Variants in ZSCAN5A observed in about 807,000 individuals in gnomAD.
ZSCAN5A encodes the protein zinc finger and SCAN domain-containing protein 5A.
ZSCAN5A carries 12 observed loss-of-function variants against 23.7 expected under a neutral mutation model. That is an observed-to-expected ratio of 0.51 (90% confidence interval 0.32 to 0.82). The LOEUF is 0.82. ZSCAN5A is among the 40% of genes least tolerant of loss of function. The pLI is 0.03. For missense variants in ZSCAN5A, 597 were observed against 617.9 expected (o/e 0.97, Z 0.36); for synonymous variants, 257 against 239.9 (o/e 1.07, Z -0.66).
intron 2 of ZSCAN5A, among the ~76,000 whole-genome samples, chr19:56,339,031 G>A (rs2041567295): frequency 6.6e-6 from 1 of 152,248 alleles, no homozygotes; most frequent in Admixed American, 6.5e-5. Context: ...CAGGCCTTAG[G>A]AACAATGTGA....
At chr19:56,340,089 A>G (rs1024803129) in intron 2 of ZSCAN5A, among the ~76,000 whole-genome samples, 1 of 151,992 alleles carries the variant, frequency 6.6e-6, no homozygotes, top group African/African-American at 2.4e-5. Context: ...TGGAAATCCA[A>G]ATGGAAATTG....
At chr19:56,313,184 T>C (rs2041151506) in intron 2 of ZSCAN5A, 99 bp downstream of exon 2, 1 of 258,226 alleles carries the variant, frequency 3.9e-6, no homozygotes, top group Admixed American at 4.7e-5. Flanking sequence ...AGTAAGTTGA[T>C]GACAGACAGA....
chr19:56,368,084 A>G (rs1568771021), intron 1 of ZSCAN5A: 1 of 152,316 alleles, frequency 6.6e-6, no homozygotes, highest in Non-Finnish European at 1.5e-5. Flanking sequence ...CGTTCTCAAC[A>G]CCGCCAACGG....
rs112623772 is a variant in ZSCAN5A at position 56,357,933 on chromosome 19, T to C, written c.-358+5302A>G. 3.2e-3 allele frequency among the ~76,000 whole-genome samples: 478 copies of C among 147,864 alleles called. 50 individuals carry two copies. The highest frequency in any genetic ancestry group is 0.012 in the African/African-American group (454 of 39,124). On this transcript the variant is annotated intron_variant, in intron 2 of 6. Transcript: ENST00000587340. ...GATGGAGGAAAATTTACCAAGCAAA[T>C]GGAAAGCAGAAACAAGCAGGGGTTG...
intron 2 of ZSCAN5A, chr19:56,321,275 T>C: frequency 1.5e-6 from 1 of 666,836 alleles, no homozygotes; most frequent in South Asian, 1.6e-5. Flanking sequence ...TCATCATCTT[T>C]TGCCAGGGTA....
chr19:56,282,544 T>C (rs1365794719), intron 2 of ZSCAN5A: 6 of 983,744 alleles, frequency 6.1e-6, no homozygotes, highest in Middle Eastern at 5.2e-4. Flanking sequence ...TCTGTTTGCC[T>C]TTGTCCAAAA....
chr19:56,356,703 C>T (rs1353666508), intron 2 of ZSCAN5A, among the ~76,000 whole-genome samples: 2 of 148,778 alleles, frequency 1.3e-5, no homozygotes, highest in Non-Finnish European at 3.0e-5. Flanking sequence ...ACCCCATATC[C>T]TTCTTTGTGC....
At chr19:56,355,240 A>T (rs1364729410) in intron 2 of ZSCAN5A, among the ~76,000 whole-genome samples, 1 of 148,700 alleles carries the variant, frequency 6.7e-6, no homozygotes, top group Admixed American at 6.6e-5. Flanking sequence ...ACTTTTTCTC[A>T]TGATAGATTA....
At chr19:56,319,388 C>CG (rs1036696152), upstream of ZSCAN5A, among the ~76,000 whole-genome samples, 10 of 147,964 alleles carry the variant, frequency 6.8e-5, no homozygotes, top group African/African-American at 2.5e-4. Context: ...CCTCACTACC[C>CG]GGGGGGCTGA....
chr19:56,229,333 G>T (rs1306912639), intron 2 of ZSCAN5A, among the ~76,000 whole-genome samples: 1 of 152,154 alleles, frequency 6.6e-6, no homozygotes, highest in Non-Finnish European at 1.5e-5. Flanking sequence ...AAACTTCTTG[G>T]GAGTAGAACT....
chr19:56,252,818 C>T (rs2036438703), intron 2 of ZSCAN5A, among the ~76,000 whole-genome samples: 1 of 152,198 alleles, frequency 6.6e-6, no homozygotes, highest in African/African-American at 2.4e-5. Context: ...GGGGCCAAGG[C>T]TGGTGGCTGG....
chr19:56,343,113 C>T lies in ZSCAN5A; in HGVS notation c.-358+20122G>A, dbSNP rs530336634. On this transcript the variant is annotated intron_variant, in intron 2 of 6. Transcript: ENST00000587340. ...CGGCCTTCGGGTCCTATCCAATGAT[C>T]CACAATTTCATCCTTCAAATGCCTA... is the stretch of plus-strand genomic sequence containing the variant. 6.6e-6 allele frequency: 5 copies of T among 754,306 alleles called. No individual in the cohort carries two copies. In the African/African-American group the frequency reaches 8.6e-5, roughly 13 times the overall value. The allele number at this position is 754,306 out of a possible 1,614,324, so 46.7% of individuals were successfully genotyped here.
At chr19:56,302,541 CCCCGTT>C (rs2040351857) in intron 2 of ZSCAN5A, among the ~76,000 whole-genome samples, 1 of 70,028 alleles carries the variant, frequency 1.4e-5, no homozygotes, top group Non-Finnish European at 3.4e-5. Flanking sequence ...TCTTCTTCCT[CCCCGTT>C]CCTCCCTCCC....
chr19:56,307,363 G>A (rs914183247), intron 2 of ZSCAN5A, among the ~76,000 whole-genome samples: 1 of 152,150 alleles, frequency 6.6e-6, no homozygotes, highest in Non-Finnish European at 1.5e-5. Context: ...ACTATGATGA[G>A]TGTCTTTCAA....
Position 56,295,532 on chromosome 19 carries a change from T to G in ZSCAN5A, c.-128+17751A>C, listed in dbSNP as rs148599256. Reference sequence around the variant, plus strand: ...ATCGCTTGAACCCGGGAGGCAGAAGTTGCAGTGAGCCGAGATCGTCCCACT... The same window carrying G: ...ATCGCTTGAACCCGGGAGGCAGAAGGTGCAGTGAGCCGAGATCGTCCCACT... On this transcript the variant is annotated intron_variant, in intron 2 of 5. Transcript: ENST00000683990. 4.5e-3 allele frequency among the ~76,000 whole-genome samples: 684 copies of G among 152,036 alleles called. 3 individuals carry two copies. Among genetic ancestry groups the G allele is most frequent in the Middle Eastern group, 0.01 (3 of 294 alleles).
chr19:56,344,306 A>G (rs1331301802), intron 2 of ZSCAN5A, among the ~76,000 whole-genome samples: 2 of 152,284 alleles, frequency 1.3e-5, no homozygotes, highest in Admixed American at 6.5e-5. Flanking sequence ...AATGTTACTA[A>G]ATTCAAGATA....
At chr19:56,254,137 C>T (rs190303369) in intron 2 of ZSCAN5A, among the ~76,000 whole-genome samples, 1 of 150,110 alleles carries the variant, frequency 6.7e-6, no homozygotes, top group Non-Finnish European at 1.5e-5. Flanking sequence ...ATGGTTCACT[C>T]GATCTGACAT....
intron 2 of ZSCAN5A, among the ~76,000 whole-genome samples, chr19:56,274,291 T>A (rs1164430383): frequency 2.6e-5 from 4 of 151,874 alleles, no homozygotes; most frequent in African/African-American, 9.7e-5. Flanking sequence ...CCATCTCTAC[T>A]AAAAATACAA....
chr19:56,337,023 G>A (rs138602009), intron 2 of ZSCAN5A, among the ~76,000 whole-genome samples: 14,566 of 152,244 alleles, frequency 0.096, 761 homozygotes, highest in South Asian at 0.16. Flanking sequence ...TAGGCTACTC[G>A]GGGGTCAGGG....
Sources: allele counts gnomAD v4.1 joint callset (sites outside exome capture counted in the v4.1 genomes callset), GRCh38; gene constraint gnomAD v4.1.1; transcripts MANE v1.5; gene names NCBI Gene and HGNC (gene_info 2026-07-23, HGNC 2026-07-21).